ACSF2: variants seen among roughly 807,000 people sequenced by gnomAD.
ACSF2 encodes the protein acyl-CoA synthetase family member 2, also known as medium-chain acyl-CoA ligase ACSF2, mitochondrial.
Under a neutral mutation model 79.3 loss-of-function variants are expected in ACSF2, and 52 were observed. The ratio of observed to expected loss-of-function variants is 0.66; its 90% CI spans 0.53 to 0.83. The LOEUF is 0.83. ACSF2 is among the 40% of genes least tolerant of loss of function. The probability of loss-of-function intolerance (pLI) is 0.00; values close to 1 mark genes in which losing one functional copy is unlikely to be tolerated. For synonymous variants in ACSF2, 283 were observed against 312.6 expected (o/e 0.91, Z 1.00); for missense variants, 661 against 803.3 (o/e 0.82, Z 2.14).
intron 1 of ACSF2, among the ~76,000 whole-genome samples, chr17:50,457,615 C>G (rs2032090893): frequency 6.6e-6 from 1 of 151,996 alleles, no homozygotes; most frequent in Admixed American, 6.5e-5. Flanking sequence ...CCCATGTACC[C>G]CTAGGAGAGA....
rs140242443 is a variant in ACSF2 at position 50,460,713 on chromosome 17, C to T, written c.165C>T (p.Ile55=). Residue 55 remains isoleucine, a synonymous_variant, in exon 2 of 16, where the codon ATC becomes ATT. Transcript: ENST00000300441. ...REVDRMVSTP[I]GGLSYVQGCT... Reference sequence around the variant, plus strand: ...TGGATCGCATGGTCTCCACGCCCATCGGAGGCCTCAGCTACGTTCAGGGGT... The same window carrying T: ...TGGATCGCATGGTCTCCACGCCCATTGGAGGCCTCAGCTACGTTCAGGGGT... The T allele has an allele frequency of 6.0e-5, 96 of 1,613,134 alleles. No individual in the cohort carries two copies. In the African/African-American group the frequency reaches 7.9e-4, roughly 13 times the overall value.
At chr17:50,451,316 C>A (rs1410224749) in intron 1 of ACSF2, among the ~76,000 whole-genome samples, 1 of 152,188 alleles carries the variant, frequency 6.6e-6, no homozygotes, top group African/African-American at 2.4e-5. Flanking sequence ...GGGTTATATG[C>A]TAATTCTATA....
intron 10 of ACSF2, chr17:50,465,622 G>GCATGTCCAA: frequency 6.5e-7 from 1 of 1,532,888 alleles, no homozygotes; most frequent in East Asian, 2.3e-5. Flanking sequence ...GATCTAGGAT[G>GCATGTCCAA]CATGTCCAAC....
At chr17:50,451,052 T>C (rs1215103193) in intron 1 of ACSF2, among the ~76,000 whole-genome samples, 2 of 152,138 alleles carry the variant, frequency 1.3e-5, no homozygotes, top group South Asian at 2.1e-4. Context: ...TCAGAGTAGC[T>C]AGGCCTCCGG....
chr17:50,462,704 C>A, intron 6 of ACSF2, 119 bp downstream of exon 6: 1 of 1,198,274 alleles, frequency 8.3e-7, no homozygotes, highest in Non-Finnish European at 1.2e-6. Context: ...TGAGACTGGC[C>A]TTCAGCTGTC....
chr17:50,462,398 T>C (rs1281890340), intron 5 of ACSF2, 22 bp from the exon 6 acceptor site: 33 of 1,580,792 alleles, frequency 2.1e-5, no homozygotes, highest in Non-Finnish European at 2.9e-5. Context: ...CCCCTGTCTC[T>C]CACCATCGTC....
intron 1 of ACSF2, among the ~76,000 whole-genome samples, chr17:50,433,158 G>C (rs2030092539): frequency 6.6e-6 from 1 of 150,432 alleles, no homozygotes; most frequent in Non-Finnish European, 1.5e-5. Context: ...CCAGGCTGGA[G>C]TACAGTGGCG....
intron 1 of ACSF2, among the ~76,000 whole-genome samples, chr17:50,456,994 G>A (rs758344104): frequency 7.9e-5 from 12 of 152,134 alleles, no homozygotes; most frequent in Non-Finnish European, 1.8e-4. Flanking sequence ...GAGTTTGGGA[G>A]GTCGAGGCTT....
chr17:50,455,982 A>G (rs900420573), intron 1 of ACSF2, among the ~76,000 whole-genome samples: 1 of 152,122 alleles, frequency 6.6e-6, no homozygotes, highest in African/African-American at 2.4e-5. Flanking sequence ...TTACAGGGCA[A>G]CCCAGTTTTG....
In ACSF2 at chr17:50,426,312, C is replaced by A; in HGVS notation, c.51C>A (p.Ser17Arg). ...GCCTGGGGAGGCTGTGCGCCGGGAG[C>A]TCGGGGGTGCTGGGGGCCCGGGCCG... ...MLRLGRLCAG[S>R]SGVLGARAAL... The change falls in exon 1 of 16, where the codon AGC becomes AGA. Residue 17 changes from serine (S) to arginine (R), a missense_variant. Ser to Arg is a moderately radical substitution (Grantham distance 110, BLOSUM62 -1). Coordinates refer to ENST00000300441, the MANE Select transcript of ACSF2 (RefSeq NM_025149.6). The A allele has an allele frequency of 7.1e-7, 1 of 1,415,088 alleles. No individual in the cohort carries two copies. The highest frequency in any genetic ancestry group is 9.3e-7 in the Non-Finnish European group (1 of 1,078,556). The allele number at this position is 1,415,088 out of a possible 1,614,324, so 87.7% of individuals were successfully genotyped here.
chr17:50,437,412 G>A (rs2030521128), intron 1 of ACSF2, among the ~76,000 whole-genome samples: 1 of 152,204 alleles, frequency 6.6e-6, no homozygotes, highest in Non-Finnish European at 1.5e-5. Context: ...CACTTTAGGA[G>A]GCTGGAGTGG....
At chr17:50,465,093 A>T in intron 10 of ACSF2, 1 of 613,974 alleles carries the variant, frequency 1.6e-6, no homozygotes, top group Non-Finnish European at 2.8e-6. Flanking sequence ...AACAACACAG[A>T]TGATGCTTGA....
At chr17:50,454,634 C>T (rs975449129) in intron 1 of ACSF2, among the ~76,000 whole-genome samples, 2 of 152,180 alleles carry the variant, frequency 1.3e-5, no homozygotes, top group African/African-American at 2.4e-5. Flanking sequence ...CACACACTAT[C>T]TCTCTTTAAA....
At position 50,471,200 on chromosome 17, in the gene ACSF2, G is replaced by A; in HGVS notation, c.1323+65G>A. On this transcript the variant is annotated intron_variant, in intron 11 of 15. Transcript: ENST00000300441. This position sits in a 1 kb window ranked among gnomAD's most constrained non-coding sequence, Gnocchi z 4.1. ...CACCCAGCTGGGGTGCACCCAGCTG[G>A]GACATCGGTTGCTTTCAGTGAGAGA... 7.2e-7 allele frequency: 1 copy of A among 1,392,030 alleles called. No individual in the cohort carries two copies. Among genetic ancestry groups the A allele is most frequent in the Non-Finnish European group, 1.0e-6 (1 of 981,574 alleles). 86.2% of individuals were successfully genotyped at this position (1,392,030 alleles called of 1,614,324 possible). A position where few individuals can be genotyped will look rare whatever the true frequency, so the allele number is the denominator to read the frequency against.
intron 1 of ACSF2, among the ~76,000 whole-genome samples, chr17:50,451,173 A>G (rs2143635466): frequency 6.6e-6 from 1 of 152,316 alleles, no homozygotes; most frequent in Non-Finnish European, 1.5e-5. Context: ...TCCTGGGCTC[A>G]AGCGATCCTC....
intron 1 of ACSF2, chr17:50,426,799 C>T (rs1454407921): frequency 8.2e-7 from 1 of 1,218,934 alleles, no homozygotes; most frequent in African/African-American, 1.5e-5. Context: ...GTCTCCCCGA[C>T]CCAGGCCACT....
chr17:50,463,250 A>G lies in ACSF2; in HGVS notation c.887A>G (p.Lys296Arg). 1.2e-6 allele frequency: 2 copies of G among 1,614,044 alleles called. No individual in the cohort carries two copies. The highest frequency in any genetic ancestry group is 1.7e-6 in the Non-Finnish European group (2 of 1,179,998). ...ILGERLKLHE[K>R]TPEQLRMILP... ...GGAGAGCGCCTGAAACTGCATGAGAAGGTGAGGCGGCACTAGGCCCAGGGC... is the reference window on the plus strand; with the variant it reads ...GGAGAGCGCCTGAAACTGCATGAGAGGGTGAGGCGGCACTAGGCCCAGGGC... The change falls in exon 7 of 16, where the codon AAG becomes AGG. Residue 296 changes from lysine to arginine, a missense_variant and splice_region_variant. Physicochemically the swap from Lys to Arg is conservative, Grantham distance 26. Coordinates refer to ENST00000300441, the MANE Select transcript of ACSF2 (RefSeq NM_025149.6). The surrounding 1 kb of genome is among the most constrained non-coding windows in gnomAD (Gnocchi z 4.6).
intron 1 of ACSF2, among the ~76,000 whole-genome samples, chr17:50,428,668 GCTACTTGGGAGGCTGAGGCAGGAGAATTA>G (rs1343455006): frequency 5.0e-4 from 76 of 152,248 alleles, no homozygotes; most frequent in Non-Finnish European, 1.1e-3. Context: ...TGTAATCCCA[GCTACTTGGGAGGCTGAGGCAGGAGAATTA>G]CTTGAACCTG....
chr17:50,467,286 G>A (rs549130281), intron 10 of ACSF2, among the ~76,000 whole-genome samples: 9 of 152,344 alleles, frequency 5.9e-5, no homozygotes, highest in East Asian at 3.9e-4. Flanking sequence ...AGTGAGTCAC[G>A]CCAGTCTTCT....
Sources: allele counts gnomAD v4.1 joint callset (sites outside exome capture counted in the v4.1 genomes callset), GRCh38; gene constraint gnomAD v4.1.1; non-coding constraint Gnocchi (gnomAD v3.1); transcripts MANE v1.5; gene names NCBI Gene and HGNC (gene_info 2026-07-23, HGNC 2026-07-21).